PARD3B: variants seen among roughly 807,000 people sequenced by gnomAD.
PARD3B encodes par-3 family cell polarity regulator beta.
Under a neutral mutation model 130.2 loss-of-function variants are expected in PARD3B, and 103 were observed. That is an observed-to-expected ratio of 0.79 (90% confidence interval 0.67 to 0.93). PARD3B has a LOEUF of 0.93. Ranked by LOEUF, PARD3B falls within the 40% of genes least tolerant of loss-of-function variation. The pLI is 0.00. For synonymous variants in PARD3B, 583 were observed against 553.2 expected (o/e 1.05, Z -0.76); for missense variants, 1,609 against 1,499.2 (o/e 1.07, Z -1.21).
chr2:205,165,602 C>T (rs970294786), intron 11 of PARD3B, among the ~76,000 whole-genome samples: 12 of 152,070 alleles, frequency 7.9e-5, no homozygotes, highest in Admixed American at 3.9e-4. Context: ...CCTGTAATCC[C>T]AGCTACTTGG....
intron 15 of PARD3B, among the ~76,000 whole-genome samples, chr2:205,231,896 G>A (rs775216579): frequency 2.6e-5 from 4 of 152,146 alleles, no homozygotes; most frequent in Non-Finnish European, 4.4e-5. Flanking sequence ...AACTACCAAG[G>A]CTAGGCCAAA....
chr2:205,033,581 G>A (rs1474805954), intron 3 of PARD3B, among the ~76,000 whole-genome samples: 4 of 152,070 alleles, frequency 2.6e-5, no homozygotes, highest in African/African-American at 9.7e-5. Flanking sequence ...ATTCATGCAA[G>A]GGTGTCCATC....
intron 22 of PARD3B, among the ~76,000 whole-genome samples, chr2:205,612,823 A>T (rs1475069262): frequency 1.3e-5 from 2 of 152,176 alleles, no homozygotes; most frequent in Non-Finnish European, 2.9e-5. Flanking sequence ...ATGGGACCAC[A>T]AAAGTATCTT....
At chr2:205,045,525 G>A (rs992307802) in intron 3 of PARD3B, among the ~76,000 whole-genome samples, 7 of 151,998 alleles carry the variant, frequency 4.6e-5, no homozygotes, top group African/African-American at 1.7e-4. Context: ...TGGGATTATA[G>A]GCGTGAGCCA....
chr2:204,832,178 A>G (rs1358728203), intron 2 of PARD3B, among the ~76,000 whole-genome samples: 2 of 152,124 alleles, frequency 1.3e-5, no homozygotes, highest in South Asian at 2.1e-4. Context: ...GTGAGCTGAG[A>G]TCACGCCACT....
chr2:205,164,822 T>TACACACAAACAC (rs2034710755), intron 11 of PARD3B, among the ~76,000 whole-genome samples: 1 of 147,244 alleles, frequency 6.8e-6, no homozygotes, highest in African/African-American at 2.5e-5. Flanking sequence ...TATATATGTA[T>TACACACAAACAC]ACACACACAC....
In PARD3B at chr2:205,617,029, G is replaced by T. The variant is rs181351516; in HGVS notation, c.*1216G>T. 1 of 154,496 alleles carries T rather than the reference G, an allele frequency of 6.5e-6. No homozygotes were observed. The highest frequency in any genetic ancestry group is 2.4e-5 in the African/African-American group (1 of 41,628). The allele number at this position is 154,496 out of a possible 1,614,324, so 9.6% of individuals were successfully genotyped here. On this transcript the variant is annotated 3_prime_UTR_variant, in exon 23 of 23. Transcript: ENST00000406610. The stretch of plus-strand genomic sequence containing the variant: ...AAAGTGGGGGAAACGGAGAAAAGGC[G>T]CTAAGGCTAAATCCATCTGCATTTG...
intron 20 of PARD3B, among the ~76,000 whole-genome samples, chr2:205,459,782 G>A (rs1039617865): frequency 7.2e-5 from 11 of 152,156 alleles, no homozygotes; most frequent in African/African-American, 1.7e-4. Flanking sequence ...GGATGGGTTT[G>A]CTTCCTTCTC....
At chr2:204,966,441 A>C (rs1390334831) in intron 3 of PARD3B, among the ~76,000 whole-genome samples, 1 of 152,204 alleles carries the variant, frequency 6.6e-6, no homozygotes, top group Non-Finnish European at 1.5e-5. Context: ...TTGTGGCTTC[A>C]GCAACCTTAC....
chr2:204,547,292 G>A (rs1341946147), intron 1 of PARD3B, among the ~76,000 whole-genome samples: 1 of 152,086 alleles, frequency 6.6e-6, no homozygotes, highest in African/African-American at 2.4e-5. Context: ...ATTCAGCTCT[G>A]GACAGATACA....
chr2:205,170,805 TTTCTTTTACATTTCA>T (rs942928490), intron 11 of PARD3B, among the ~76,000 whole-genome samples: 1 of 152,148 alleles, frequency 6.6e-6, no homozygotes, highest in Non-Finnish European at 1.5e-5. Flanking sequence ...TTACTTTTTT[TTTCTTTTACATTTCA>T]TTCTGTTAAT....
intron 22 of PARD3B, among the ~76,000 whole-genome samples, chr2:205,607,831 T>TACACCCATACACACACACACACACACAC (rs1553560828): frequency 1.7e-5 from 2 of 116,190 alleles, no homozygotes; most frequent in African/African-American, 8.2e-5. Context: ...CCAACACCCA[T>TACACCCATACACACACACACACACACAC]ACACACACAC....
chr2:205,580,947 A>G (rs1454187101), intron 22 of PARD3B, among the ~76,000 whole-genome samples: 1 of 152,228 alleles, frequency 6.6e-6, no homozygotes. Flanking sequence ...AATATAAAGT[A>G]AGTTTTGACT....
intron 15 of PARD3B, among the ~76,000 whole-genome samples, chr2:205,243,828 C>T (rs986253948): frequency 1.3e-5 from 2 of 152,076 alleles, no homozygotes; most frequent in Non-Finnish European, 2.9e-5. Context: ...CTTTCCAGGT[C>T]GTTGTGAGAA....
intron 22 of PARD3B, among the ~76,000 whole-genome samples, chr2:205,557,381 C>T (rs895846207): frequency 6.6e-6 from 1 of 152,184 alleles, no homozygotes; most frequent in Non-Finnish European, 1.5e-5. Flanking sequence ...TCCCCAAGCC[C>T]AGTCTCTGGA....
At chr2:205,474,655 A>G (rs2048964301) in intron 20 of PARD3B, among the ~76,000 whole-genome samples, 1 of 152,138 alleles carries the variant, frequency 6.6e-6, no homozygotes, top group Non-Finnish European at 1.5e-5. Context: ...AGCTTGAATT[A>G]TTTCCTTAGG....
intron 2 of PARD3B, among the ~76,000 whole-genome samples, chr2:204,896,217 T>A (rs970813310): frequency 3.3e-5 from 5 of 152,078 alleles, no homozygotes; most frequent in Non-Finnish European, 7.3e-5. Flanking sequence ...TAACTAGAGG[T>A]TAGGTTTTAT....
At chr2:205,306,814 A>G (rs2042199245) in intron 18 of PARD3B, among the ~76,000 whole-genome samples, 1 of 152,244 alleles carries the variant, frequency 6.6e-6, no homozygotes, top group Non-Finnish European at 1.5e-5. Context: ...TCAACAACAA[A>G]GAACACAAAG....
chr2:204,623,503 C>T lies in PARD3B; in HGVS notation c.121-62678C>T, dbSNP rs2125130665. Among the ~76,000 whole-genome samples the T allele has an allele frequency of 6.6e-6, 1 of 152,202 alleles. No homozygotes were observed. The highest frequency in any genetic ancestry group is 2.1e-4 in the South Asian group (1 of 4,826). On this transcript the variant is annotated intron_variant, in intron 1 of 22. Coordinates refer to ENST00000406610, the MANE Select transcript of PARD3B (RefSeq NM_001302769.2). This position sits in a 1 kb window ranked among gnomAD's most constrained non-coding sequence, Gnocchi z 4.5. Reference sequence around the variant, plus strand: ...CTTTTCTATATCTCTATAATTTTGTCAATTAGAGTGTGTTGTGTAACTGAA... The same window carrying T: ...CTTTTCTATATCTCTATAATTTTGTTAATTAGAGTGTGTTGTGTAACTGAA...
Sources: gnomAD v4.1 joint callset for allele counts (sites outside exome capture counted in the v4.1 genomes callset) on GRCh38, gnomAD v4.1.1 for gene constraint, Gnocchi (gnomAD v3.1) non-coding constraint, MANE v1.5 for transcripts, NCBI Gene and HGNC (gene_info 2026-07-23, HGNC 2026-07-21) for gene names.